CDHR5: variants seen among roughly 807,000 people sequenced by gnomAD.
CDHR5 encodes cadherin related family member 5.
In CDHR5, 82 loss-of-function variants were observed where a neutral mutation model predicts 69.5. The ratio of observed to expected loss-of-function variants is 1.18; its 90% CI spans 0.99 to 1.42. The LOEUF (loss-of-function observed/expected upper bound fraction) is 1.42. CDHR5 is among the 40% of genes most tolerant of loss of function. The pLI, the probability that CDHR5 is intolerant of heterozygous loss-of-function variation, is 0.00. For missense variants in CDHR5, 1,293 were observed against 1,168.9 expected, an observed-to-expected ratio of 1.11 and a Z score of -1.55; for synonymous variants, 601 against 510.2, an observed-to-expected ratio of 1.18 and a Z score of -2.40.
rs1477714846 is a variant in CDHR5 at position 616,982 on chromosome 11, CCTGA to C, written c.*365_*368del. On this transcript the variant is annotated 3_prime_UTR_variant, in exon 15 of 15. Coordinates refer to ENST00000397542, the MANE Select transcript of CDHR5 (RefSeq NM_021924.5). ...CGGGAGGTCTGAGATGAGCCGGGTG[CCTGA>C]GATCTCCGGTGCAGGTCGGGGGAGG... 1.1e-5 allele frequency: 3 copies of C among 268,984 alleles called. No individual in the cohort carries two copies. The highest frequency in any genetic ancestry group is 2.1e-5 in the Non-Finnish European group (3 of 140,132). 16.7% of individuals were successfully genotyped at this position (268,984 alleles called of 1,614,324 possible). A position where few individuals can be genotyped will look rare whatever the true frequency, so the allele number is the denominator to read the frequency against.
At position 621,889 on chromosome 11, in the gene CDHR5, C is replaced by A. The variant is rs1346713910; in HGVS notation, c.328G>T (p.Val110Leu). 3 of 1,613,182 alleles carry A rather than the reference C, an allele frequency of 1.9e-6. No individual in the cohort carries two copies. The highest frequency in any genetic ancestry group is 2.5e-6 in the Non-Finnish European group (3 of 1,179,706). Residue 110 changes from valine (V) to leucine (L), a missense_variant, in exon 4 of 15, where the codon GTG becomes TTG. Physicochemically the swap from Val to Leu is conservative, Grantham distance 32. Coordinates refer to ENST00000397542, the MANE Select transcript of CDHR5 (RefSeq NM_021924.5). This position sits in a 1 kb window ranked among gnomAD's most constrained non-coding sequence, Gnocchi z 4.4. The part of the protein sequence containing the change: ...SGGTLVTQLR[V>L]FVSVLDVNDN... ...TTGACGTCCAGCACTGACACGAACA[C>A]CCTTAGCTGGGTCACCTGCAGGATG...
Position 617,335 on chromosome 11 carries a change from AG to A in CDHR5, c.*15del. On this transcript the variant is annotated 3_prime_UTR_variant, in exon 15 of 15. Coordinates refer to ENST00000397542, the MANE Select transcript of CDHR5 (RefSeq NM_021924.5). ...TCCAGTGCCCGTGCGGCTGGGGGAGAGGGTGGAGGGGCCACTTAGATGTAGG... is the reference window on the plus strand; with the variant it reads ...TCCAGTGCCCGTGCGGCTGGGGGAGAGGTGGAGGGGCCACTTAGATGTAGG... The A allele has an allele frequency of 1.3e-6, 2 of 1,565,968 alleles. No homozygotes were observed. The highest frequency in any genetic ancestry group is 3.4e-5 in the Admixed American group (2 of 58,176).
intron 7 of CDHR5, 97 bp downstream of exon 7, chr11:620,983 A>AC (rs1167596673): frequency 5.6e-6 from 3 of 537,004 alleles, no homozygotes; most frequent in African/African-American, 1.9e-5. Flanking sequence ...CCACCCCCTG[A>AC]CCCCGACCCC....
In CDHR5 at chr11:619,344, A is replaced by G. The variant is rs376525087; in HGVS notation, c.1340T>C (p.Ile447Thr). 64 of 1,613,416 alleles carry G rather than the reference A, an allele frequency of 4.0e-5. No individual in the cohort carries two copies. Among genetic ancestry groups the G allele is most frequent in the Middle Eastern group, 1.6e-4 (1 of 6,082 alleles). Residue 447 changes from isoleucine (I) to threonine (T), a missense_variant, in exon 12 of 15, where the codon ATT (isoleucine) becomes ACT (threonine). Transcript: ENST00000397542. ...TVTSGTATTV[I>T]EIQVSEQEPP... ...CTCCTGTTCGGAAACTTGTATCTCA[A>G]TGACTGTGGTTGCGGTGCCAGAGGT...
At position 617,796 on chromosome 11, in the gene CDHR5, C is replaced by T. The variant is rs186765155; in HGVS notation, c.2119-26G>A. The T allele has an allele frequency of 2.4e-4, 342 of 1,449,720 alleles. 1 individual carries two copies. In the African/African-American group the frequency reaches 4.1e-3, roughly 17 times the overall value. The allele number at this position is 1,449,720 out of a possible 1,614,324, so 89.8% of individuals were successfully genotyped here. On this transcript the variant is annotated intron_variant, in intron 14 of 14. Coordinates refer to ENST00000397542, the MANE Select transcript of CDHR5 (RefSeq NM_021924.5). Reference sequence around the variant, plus strand: ...CTGCAGGCGGGAGTCGAGGCGTCAGCGGGGTCCCTGGGTCTCTGCAGCCTT... The same window carrying T: ...CTGCAGGCGGGAGTCGAGGCGTCAGTGGGGTCCCTGGGTCTCTGCAGCCTT...
chr11:619,545 G>GT lies in CDHR5; in HGVS notation c.1221dup (p.His408ThrfsTer26). ...ACAACCTCTCCCTCCATCCGGAAGT[G>GT]TGAGTGGTTGGTAATTCGATATGTG... On this transcript the variant is annotated frameshift_variant, in exon 11 of 15. Transcript: ENST00000397542. LOFTEE classifies it high-confidence loss of function. 1 of 1,614,010 alleles carries GT rather than the reference G, an allele frequency of 6.2e-7. No individual in the cohort carries two copies. Among genetic ancestry groups the GT allele is most frequent in the South Asian group, 1.1e-5 (1 of 91,086 alleles).
At position 617,407 on chromosome 11, in the gene CDHR5, C is replaced by T. The variant is rs752250033; in HGVS notation, c.2482G>A (p.Ala828Thr). Residue 828 changes from alanine to threonine, a missense_variant, in exon 15 of 15, where the codon GCG (alanine) becomes ACG (threonine). Coordinates refer to ENST00000397542, the MANE Select transcript of CDHR5 (RefSeq NM_021924.5). ...DSGSGDEGEG[A>T]GRGGGPYDAP... ...TCGTAGGGACCCCCACCCCTCCCCG[C>T]GCCCTCGCCCTCATCGCCGCTGCCG... is the stretch of plus-strand genomic sequence containing the variant. 186 of 1,607,882 alleles carry T rather than the reference C, an allele frequency of 1.2e-4. No individual in the cohort carries two copies. The highest frequency in any genetic ancestry group is 1.7e-4 in the Middle Eastern group (1 of 6,058).
At position 617,259 on chromosome 11, in the gene CDHR5, C is replaced by T. The variant is rs1192648671; in HGVS notation, c.*92G>A. On this transcript the variant is annotated 3_prime_UTR_variant, in exon 15 of 15. Coordinates refer to ENST00000397542, the MANE Select transcript of CDHR5 (RefSeq NM_021924.5). ...CTGCCCCACGCCATGGCCTGGGTTT[C>T]GGGAGCCTTGCTTTATTCTGCCTCG... is the stretch of plus-strand genomic sequence containing the variant. 1.2e-5 allele frequency: 13 copies of T among 1,076,218 alleles called. No homozygotes were observed. The highest frequency in any genetic ancestry group is 4.9e-5 in the Admixed American group (2 of 40,580). The allele number at this position is 1,076,218 out of a possible 1,614,324, so 66.7% of individuals were successfully genotyped here.
At chr11:617,929 C>A (rs371175831) in intron 14 of CDHR5, 25 bp downstream of exon 14, 1 of 1,605,834 alleles carries the variant, frequency 6.2e-7, no homozygotes, top group South Asian at 1.1e-5. Flanking sequence ...TGGTCGCCTG[C>A]CCTGTTCTCC....
chr11:622,176 G>A (rs1002033373), intron 3 of CDHR5, among the ~76,000 whole-genome samples: 2 of 152,214 alleles, frequency 1.3e-5, no homozygotes, highest in Non-Finnish European at 2.9e-5. Context: ...ACGGCCATCC[G>A]TCCACTCGCT....
Position 621,769 on chromosome 11 carries a change from C to T in CDHR5, c.405+43G>A, listed in dbSNP as rs1315496653. The T allele has an allele frequency of 1.8e-5, 29 of 1,580,266 alleles. No homozygotes were observed. The Admixed American group carries it at 4.9e-4, about 26-fold the overall frequency. Reference sequence around the variant, plus strand: ...TCACCTCCTGCCCTCACCCTGGGCTCCCACACCCCCGTGCCCAGTCCCCGC... The same window carrying T: ...TCACCTCCTGCCCTCACCCTGGGCTTCCACACCCCCGTGCCCAGTCCCCGC... On this transcript the variant is annotated intron_variant, in intron 4 of 14. Transcript: ENST00000397542. This position sits in a 1 kb window ranked among gnomAD's most constrained non-coding sequence, Gnocchi z 4.4.
intron 3 of CDHR5, among the ~76,000 whole-genome samples, chr11:622,302 G>A (rs575785613): frequency 1.4e-4 from 21 of 152,260 alleles, no homozygotes; most frequent in Non-Finnish European, 2.1e-4. Flanking sequence ...TATAACAACA[G>A]ACAAAAAGGA....
rs1202857216 is a variant in CDHR5 at position 624,837 on chromosome 11, C to A, written c.66G>T (p.Gly22=). 2.5e-6 allele frequency: 4 copies of A among 1,604,024 alleles called. No individual in the cohort carries two copies. The highest frequency in any genetic ancestry group is 1.3e-5 in the African/African-American group (1 of 74,462). ...ACATACACTGGGCCTGGGCCATGGTCCCCGGGGGTCGGACGAGCAGCCCGG... is the reference window on the plus strand; with the variant it reads ...ACATACACTGGGCCTGGGCCATGGTACCCGGGGGTCGGACGAGCAGCCCGG... The part of the protein sequence containing the change: ...LFTGLLVRPP[G]TMAQAQYCSV... The change falls in exon 1 of 15, where the codon GGG becomes GGT. Residue 22 remains glycine (G), a synonymous_variant. Transcript: ENST00000397542. The surrounding 1 kb of genome is among the most constrained non-coding windows in gnomAD (Gnocchi z 5.3).
chr11:621,528 G>T lies in CDHR5; in HGVS notation c.507+34C>A. 6.3e-7 allele frequency: 1 copy of T among 1,594,204 alleles called. No individual in the cohort carries two copies. Among genetic ancestry groups the T allele is most frequent in the South Asian group, 1.1e-5 (1 of 90,690 alleles). On this transcript the variant is annotated intron_variant, in intron 5 of 14. Transcript: ENST00000397542. The surrounding 1 kb of genome is among the most constrained non-coding windows in gnomAD (Gnocchi z 4.4). Reference sequence around the variant, plus strand: ...GGCGGCTGTGGGTGTCAGAGGCGAGGGGCTCGTGCTGGGGCAGGGTGGGCG... The same window carrying T: ...GGCGGCTGTGGGTGTCAGAGGCGAGTGGCTCGTGCTGGGGCAGGGTGGGCG...
Position 619,593 on chromosome 11 carries a change from CAG to C in CDHR5, c.1180-8_1180-7del. The C allele has an allele frequency of 6.2e-7, 1 of 1,612,332 alleles. No individual in the cohort carries two copies. Among genetic ancestry groups the C allele is most frequent in the Non-Finnish European group, 8.5e-7 (1 of 1,178,532 alleles). ...GTGATGGCCGAGTTGAGGTCCTGGA[CAG>C]GGTCTCATTGAGTCCCCGGCCAGGC... On this transcript the variant is annotated splice_polypyrimidine_tract_variant and splice_region_variant and intron_variant, in intron 10 of 14. Coordinates refer to ENST00000397542, the MANE Select transcript of CDHR5 (RefSeq NM_021924.5).
Position 621,807 on chromosome 11 carries a change from C to G in CDHR5, c.405+5G>C. ...GCCCAGTCCCCGCGGCTTCGCTGGC[C>G]TCACCTCCTCCACCCTTATCTCCTT... On this transcript the variant is annotated splice_donor_5th_base_variant and intron_variant, in intron 4 of 14. Transcript: ENST00000397542. The surrounding 1 kb of genome is among the most constrained non-coding windows in gnomAD (Gnocchi z 4.4). 3.1e-6 allele frequency: 5 copies of G among 1,612,218 alleles called. No homozygotes were observed. The highest frequency in any genetic ancestry group is 3.4e-6 in the Non-Finnish European group (4 of 1,178,702).
rs975844000 is a variant in CDHR5, at chr11:620,487, G to T, written c.790-101C>A. On this transcript the variant is annotated intron_variant, in intron 7 of 14. Coordinates refer to ENST00000397542, the MANE Select transcript of CDHR5 (RefSeq NM_021924.5). ...ATCAAGGGCAGGGTTGGCTGAGGAG[G>T]GGCCCAGTCCCGCTGGTGGCCGGGC... is the stretch of plus-strand genomic sequence containing the variant. 4 of 795,772 alleles carry T rather than the reference G, an allele frequency of 5.0e-6. No individual in the cohort carries two copies. The African/African-American group carries it at 6.9e-5, about 14-fold the overall frequency. 49.3% of individuals were successfully genotyped at this position (795,772 alleles called of 1,614,324 possible). A position where few individuals can be genotyped will look rare whatever the true frequency, so the allele number is the denominator to read the frequency against.
rs746464411 is a variant in CDHR5 at position 621,938 on chromosome 11, C to T, written c.313-34G>A. 6.4e-7 allele frequency: 1 copy of T among 1,556,026 alleles called. No individual in the cohort carries two copies. Among genetic ancestry groups the T allele is most frequent in the Non-Finnish European group, 8.8e-7 (1 of 1,132,216 alleles). On this transcript the variant is annotated intron_variant, in intron 3 of 14. Coordinates refer to ENST00000397542, the MANE Select transcript of CDHR5 (RefSeq NM_021924.5). The surrounding 1 kb of genome is among the most constrained non-coding windows in gnomAD (Gnocchi z 4.4). ...TGTGGCCGTCAGCCTCTCCCACAGC[C>T]CCTCCCCGTTGTGAGGTGCACCCCT...
chr11:619,189 CG>C lies in CDHR5; in HGVS notation c.1379-10del. 6.6e-7 allele frequency: 1 copy of C among 1,512,712 alleles called. No individual in the cohort carries two copies. The highest frequency in any genetic ancestry group is 8.9e-7 in the Non-Finnish European group (1 of 1,121,514). The allele number at this position is 1,512,712 out of a possible 1,614,324, so 93.7% of individuals were successfully genotyped here. ...TGGGGATGGGGGGACATCTGGGGGC[CG>C]GGAACAGTGCTTGGGCTTGCCTCTG... On this transcript the variant is annotated splice_polypyrimidine_tract_variant and intron_variant, in intron 12 of 14. Coordinates refer to ENST00000397542, the MANE Select transcript of CDHR5 (RefSeq NM_021924.5).
Sources: gnomAD v4.1 joint callset for allele counts (sites outside exome capture counted in the v4.1 genomes callset) on GRCh38, gnomAD v4.1.1 for gene constraint, Gnocchi (gnomAD v3.1) non-coding constraint, MANE v1.5 for transcripts, NCBI Gene and HGNC (gene_info 2026-07-23, HGNC 2026-07-21) for gene names.